Variants in FGD5 observed in about 807,000 individuals in gnomAD.
The protein encoded by FGD5 is FYVE, RhoGEF and PH domain-containing protein 5.
FGD5 carries 28 observed loss-of-function variants against 133.4 expected under a neutral mutation model. The ratio of observed to expected loss-of-function variants is 0.21; its 90% CI spans 0.16 to 0.29. The LOEUF (loss-of-function observed/expected upper bound fraction) is 0.29, where lower values mean the gene tolerates loss of function less well. Among genes scored for constraint, FGD5 ranks in the 10% least tolerant of loss-of-function variants. FGD5 has a pLI of 1.00. For synonymous variants in FGD5, 810 were observed against 776.5 expected, an observed-to-expected ratio of 1.04 and a Z score of -0.72; for missense variants, 1,858 against 1,895.2, an observed-to-expected ratio of 0.98 and a Z score of 0.36.
chr3:14,896,173 G>A (rs1487137836), intron 4 of FGD5, among the ~76,000 whole-genome samples: 1 of 152,146 alleles, frequency 6.6e-6, no homozygotes, highest in South Asian at 2.1e-4. Flanking sequence ...CATGCTCATG[G>A]ATTAGAAGAA....
At chr3:14,876,830 A>G (rs1399448574) in intron 2 of FGD5, among the ~76,000 whole-genome samples, 1 of 152,200 alleles carries the variant, frequency 6.6e-6, no homozygotes, top group Non-Finnish European at 1.5e-5. Flanking sequence ...TACAGTTGGA[A>G]AAACTAAGGC....
intron 2 of FGD5, among the ~76,000 whole-genome samples, chr3:14,876,193 G>C (rs998593565): frequency 1.3e-5 from 2 of 152,184 alleles, no homozygotes; most frequent in African/African-American, 4.8e-5. Context: ...AAAGGCCTGG[G>C]GTTCCCTGGC....
Position 14,917,867 on chromosome 3 carries a change from CT to C in FGD5, c.3489+538del, listed in dbSNP as rs2038591134. 6.6e-6 allele frequency among the ~76,000 whole-genome samples: 1 copy of C among 152,190 alleles called. No individual in the cohort carries two copies. The highest frequency in any genetic ancestry group is 1.5e-5 in the Non-Finnish European group (1 of 68,024). On this transcript the variant is annotated intron_variant, in intron 12 of 19. Coordinates refer to ENST00000285046, the MANE Select transcript of FGD5 (RefSeq NM_152536.4). This position sits in a 1 kb window ranked among gnomAD's most constrained non-coding sequence, Gnocchi z 4.1. ...TCAGCCCCTGGCACCTACCATTCTA[CT>C]TTCTATGTCCATGAATTTGACTACT...
At chr3:14,902,158 T>G (rs910601127) in intron 9 of FGD5, among the ~76,000 whole-genome samples, 10 of 152,000 alleles carry the variant, frequency 6.6e-5, no homozygotes, top group Non-Finnish European at 1.2e-4. Flanking sequence ...GGCACACACC[T>G]TTAGTCCCAG....
At position 14,932,680 on chromosome 3, in the gene FGD5, A is replaced by G; in HGVS notation, c.4301A>G (p.Lys1434Arg). The G allele has an allele frequency of 1.2e-6, 2 of 1,614,030 alleles. No homozygotes were observed. Among genetic ancestry groups the G allele is most frequent in the South Asian group, 1.1e-5 (1 of 91,086 alleles). The change falls in exon 19 of 20, where the codon AAG (lysine) becomes AGG (arginine). Residue 1434 changes from lysine to arginine, a missense_variant. By Grantham distance (26) the Lys-to-Arg change is conservative. Around this residue, in one of 3 missense-constraint regions of FGD5, gnomAD observed 1,824 missense variants for 1,848.9 expected, o/e 0.99. Transcript: ENST00000285046. ...GGACCTATTTTTCACCTTTACCACA[A>G]GAAAACCCTATTTTATAGCTTCAAA... ...EVGPIFHLYHKKTLFYSFKAE... is the reference protein window; with the variant it reads ...EVGPIFHLYHRKTLFYSFKAE...
At chr3:14,870,125 GGAATGGCATGAGGGAGCCC>G (rs59055982) in intron 2 of FGD5, among the ~76,000 whole-genome samples, 108,589 of 151,206 alleles carry the variant, frequency 0.72, 39,155 homozygotes, top group African/African-American at 0.78. Flanking sequence ...GTGAGGGAAC[GGAATGGCATGAGGGAGCCC>G]GAATGGCATG....
chr3:14,834,541 C>G (rs901981646), intron 1 of FGD5, among the ~76,000 whole-genome samples: 2 of 152,350 alleles, frequency 1.3e-5, no homozygotes, highest in South Asian at 4.1e-4. Flanking sequence ...AGTCCTCACT[C>G]ACAGGAGCCT....
At chr3:14,814,860 G>T (rs147327059), upstream of FGD5, among the ~76,000 whole-genome samples, 3 of 152,106 alleles carry the variant, frequency 2.0e-5, no homozygotes, top group Non-Finnish European at 2.9e-5. Context: ...TTCTAGTTGC[G>T]CAGACTCAAA....
At chr3:14,907,221 C>G (rs2038357081) in intron 9 of FGD5, among the ~76,000 whole-genome samples, 1 of 152,230 alleles carries the variant, frequency 6.6e-6, no homozygotes, top group African/African-American at 2.4e-5. Flanking sequence ...ACTTATTTTT[C>G]TAACCACGAG....
Position 14,880,539 on chromosome 3 carries a change from T to C in FGD5, c.2659-33T>C, listed in dbSNP as rs199752593. On this transcript the variant is annotated intron_variant, in intron 2 of 19. Transcript: ENST00000285046. ...GCCTCCTCTAGAAACCACTGATGCC[T>C]GTCCCACCTGATTGCTCTCTTTCCT... 622 of 1,610,208 alleles carry C rather than the reference T, an allele frequency of 3.9e-4. 1 individual carries two copies. The highest frequency in any genetic ancestry group is 1.2e-3 in the Admixed American group (72 of 59,848).
chr3:14,821,557 T>C lies in FGD5; in HGVS notation c.2486T>C (p.Phe829Ser). ...GYVDMSSFNA[F>S]ESKQQSADQD... ...GTGGACATGAGCAGCTTCAACGCCT[T>C]TGAGAGCAAACAGCAGAGTGCAGAC... Residue 829 changes from phenylalanine to serine, a missense_variant, in exon 1 of 20, where the codon TTT (phenylalanine) becomes TCT (serine). Coordinates refer to ENST00000285046, the MANE Select transcript of FGD5 (RefSeq NM_152536.4). 10 of 1,611,948 alleles carry C rather than the reference T, an allele frequency of 6.2e-6. No individual in the cohort carries two copies. The highest frequency in any genetic ancestry group is 8.5e-6 in the Non-Finnish European group (10 of 1,178,592).
At chr3:14,927,858 G>T (rs1165544154) in intron 18 of FGD5, among the ~76,000 whole-genome samples, 2 of 151,976 alleles carry the variant, frequency 1.3e-5, no homozygotes, top group Non-Finnish European at 2.9e-5. Context: ...TGAACTCCTG[G>T]ACTCAAGCCA....
rs2038939026 is a variant in FGD5, at chr3:14,933,854, C to T, written c.*687C>T. ...ATAGGAAGGGGAGGATTTTCTCCTC[C>T]AGTCGACCTTGTGACCTGTATACTA... On this transcript the variant is annotated 3_prime_UTR_variant, in exon 20 of 20. Transcript: ENST00000285046. 1 of 152,948 alleles carries T rather than the reference C, an allele frequency of 6.5e-6. No homozygotes were observed. The highest frequency in any genetic ancestry group is 1.5e-5 in the Non-Finnish European group (1 of 68,514). 9.5% of individuals were successfully genotyped at this position (152,948 alleles called of 1,614,324 possible). A position where few individuals can be genotyped will look rare whatever the true frequency, so the allele number is the denominator to read the frequency against.
In FGD5 at chr3:14,903,509, C is replaced by A. The variant is rs545104404; in HGVS notation, c.3264+2448C>A. On this transcript the variant is annotated intron_variant, in intron 9 of 19. Transcript: ENST00000285046. ...CCAGTGCTATCCCTCCCCCCTCCCC[C>A]CACCCCACAACAGTCCCCAGAGTGT... Among the ~76,000 whole-genome samples the A allele has an allele frequency of 2.4e-5, 3 of 126,016 alleles. No individual in the cohort carries two copies. In the South Asian group the frequency reaches 9.0e-4, roughly 38 times the overall value. 82.7% of individuals were successfully genotyped at this position (126,016 alleles called of 152,430 possible).
At chr3:14,831,965 C>T (rs553046784) in intron 1 of FGD5, among the ~76,000 whole-genome samples, 93 of 152,264 alleles carry the variant, frequency 6.1e-4, no homozygotes, top group Non-Finnish European at 1.2e-3. Context: ...TGGAACTTCC[C>T]AGTGTCACGG....
intron 19 of FGD5, 58 bp downstream of exon 19, chr3:14,932,789 G>A (rs1301147257): frequency 1.3e-6 from 2 of 1,572,306 alleles, no homozygotes; most frequent in Non-Finnish European, 1.7e-6. Context: ...GCAACAAGTT[G>A]TTTCTTGGGG....
intron 13 of FGD5, among the ~76,000 whole-genome samples, chr3:14,921,003 C>A (rs1184082645): frequency 6.6e-6 from 1 of 152,194 alleles, no homozygotes; most frequent in African/African-American, 2.4e-5. Context: ...CAGGAGGCTG[C>A]CAGCAAATAG....
chr3:14,864,440 T>C (rs11718148), intron 2 of FGD5, among the ~76,000 whole-genome samples, 180 bp downstream of exon 2: 14,192 of 152,290 alleles, frequency 0.093, 829 homozygotes, highest in East Asian at 0.3. Flanking sequence ...TTCTGGGGAC[T>C]GGCCTCAGTG....
intron 2 of FGD5, among the ~76,000 whole-genome samples, chr3:14,875,631 T>G (rs769954622): frequency 6.6e-5 from 10 of 151,810 alleles, no homozygotes; most frequent in South Asian, 2.1e-4. Flanking sequence ...AAGGAGGCTG[T>G]GGGAATGGCT....
Sources: allele counts gnomAD v4.1 joint callset (sites outside exome capture counted in the v4.1 genomes callset), GRCh38; gene constraint gnomAD v4.1.1; regional missense constraint gnomAD v4.1.1; non-coding constraint Gnocchi (gnomAD v3.1); transcripts MANE v1.5; gene names NCBI Gene and HGNC (gene_info 2026-07-23, HGNC 2026-07-21).